Variants in ATE1 observed in about 807,000 individuals in gnomAD.
The protein encoded by ATE1 is arginyltransferase 1.
Under a neutral mutation model 70.5 loss-of-function variants are expected in ATE1, and 36 were observed. The ratio of observed to expected loss-of-function variants is 0.51; its 90% CI spans 0.39 to 0.67. The LOEUF is 0.67. ATE1 is among the 30% of genes least tolerant of loss of function. The pLI is 0.00. For missense variants in ATE1, 593 were observed against 629.5 expected (o/e 0.94, Z 0.62); for synonymous variants, 232 against 219.3 (o/e 1.06, Z -0.51).
In ATE1 at chr10:121,869,960, T is replaced by C. The variant is rs776932692; in HGVS notation, c.975+46A>G. On this transcript the variant is annotated intron_variant, in intron 8 of 11. Transcript: ENST00000224652. ...GCCTAATGAAAGATATCAACAATGG[T>C]GTTCAATTACCAATTCTAATATTAA... 1.8e-5 allele frequency: 27 copies of C among 1,512,834 alleles called. No individual in the cohort carries two copies. In the East Asian group the frequency reaches 6.1e-4, roughly 34 times the overall value. The allele number at this position is 1,512,834 out of a possible 1,614,324, so 93.7% of individuals were successfully genotyped here. A position where few individuals can be genotyped will look rare whatever the true frequency, so the allele number is the denominator to read the frequency against.
At chr10:121,890,348 C>T (rs1457531578) in intron 7 of ATE1, among the ~76,000 whole-genome samples, 1 of 152,072 alleles carries the variant, frequency 6.6e-6, no homozygotes, top group African/African-American at 2.4e-5. Context: ...CTTGTAGAAG[C>T]ACATCTCATT....
chr10:121,858,049 C>T (rs529082913), intron 8 of ATE1, among the ~76,000 whole-genome samples: 1 of 152,146 alleles, frequency 6.6e-6, no homozygotes, highest in East Asian at 1.9e-4. Context: ...AATAATATTC[C>T]TTCATATCTA....
At chr10:121,919,460 C>G (rs1951791987) in intron 3 of ATE1, among the ~76,000 whole-genome samples, 1 of 151,964 alleles carries the variant, frequency 6.6e-6, no homozygotes, top group Non-Finnish European at 1.5e-5. Flanking sequence ...AGTCGGGAGG[C>G]TGAGGCAGGA....
chr10:121,818,615 A>G (rs1241396302), intron 10 of ATE1, among the ~76,000 whole-genome samples: 1 of 152,228 alleles, frequency 6.6e-6, no homozygotes, highest in Non-Finnish European at 1.5e-5. Flanking sequence ...TTAAATGAAC[A>G]TATATATTTT....
intron 8 of ATE1, among the ~76,000 whole-genome samples, chr10:121,865,136 A>G (rs1454803203): frequency 6.6e-6 from 1 of 152,184 alleles, no homozygotes; most frequent in Non-Finnish European, 1.5e-5. Context: ...CACCTACCTA[A>G]TCTACCTCTC....
intron 7 of ATE1, among the ~76,000 whole-genome samples, chr10:121,888,529 T>C (rs1037109612): frequency 5.3e-5 from 8 of 152,230 alleles, no homozygotes; most frequent in Non-Finnish European, 1.2e-4. Flanking sequence ...CTGCTTGATA[T>C]GATACAGTAA....
intron 8 of ATE1, among the ~76,000 whole-genome samples, chr10:121,844,813 C>A (rs181594337): frequency 2.7e-4 from 41 of 152,076 alleles, no homozygotes; most frequent in Admixed American, 2.0e-3. Context: ...GTGAAAGATG[C>A]CGATCTGAAA....
chr10:121,927,316 A>C (rs1481731304), intron 1 of ATE1: 8 of 981,784 alleles, frequency 8.1e-6, no homozygotes, highest in Non-Finnish European at 9.6e-6. Context: ...CGCGGTCACC[A>C]GTTTCTTGTC....
intron 10 of ATE1, among the ~76,000 whole-genome samples, chr10:121,824,441 C>T (rs1947925693): frequency 6.6e-6 from 1 of 152,164 alleles, no homozygotes; most frequent in Non-Finnish European, 1.5e-5. Flanking sequence ...ATTTTGCAGA[C>T]GCAGCTCTGT....
chr10:121,923,258 C>T (rs1269009616), intron 2 of ATE1, among the ~76,000 whole-genome samples: 6 of 152,148 alleles, frequency 3.9e-5, no homozygotes, highest in Non-Finnish European at 7.3e-5. Context: ...ACACTTGCAA[C>T]CAGATGTTCG....
chr10:121,803,109 T>C lies in ATE1; in HGVS notation c.1258-12820A>G, dbSNP rs539922787. 1.4e-4 allele frequency among the ~76,000 whole-genome samples: 21 copies of C among 152,302 alleles called. No individual in the cohort carries two copies. In the South Asian group the frequency reaches 1.5e-3, roughly 11 times the overall value. On this transcript the variant is annotated intron_variant, in intron 10 of 11. Transcript: ENST00000224652. ...TTATATGCTGTGTTTCTCTTATTTT[T>C]ACATCACCCCTCCCCTTCCACCCCC...
intron 8 of ATE1, 52 bp downstream of exon 8, chr10:121,869,954 C>A (rs1050559964): frequency 2.7e-6 from 4 of 1,490,478 alleles, no homozygotes; most frequent in South Asian, 2.3e-5. Context: ...AAGATATCAA[C>A]AATGGTGTTC....
chr10:121,902,554 C>T lies in ATE1; in HGVS notation c.650G>A (p.Arg217Lys), dbSNP rs1951023098. The T allele has an allele frequency of 1.9e-6, 3 of 1,614,148 alleles. No individual in the cohort carries two copies. Among genetic ancestry groups the T allele is most frequent in the Non-Finnish European group, 2.5e-6 (3 of 1,180,018 alleles). The change falls in exon 6 of 12, where the codon AGG becomes AAG. Residue 217 changes from arginine (R) to lysine (K), a missense_variant. Around this residue, in one of 3 missense-constraint regions of ATE1, gnomAD observed 467 missense variants for 469.6 expected, o/e 0.99. Coordinates refer to ENST00000224652, the MANE Select transcript of ATE1 (RefSeq NM_001001976.3). ...KAKEIRKERK[R>K]LKLMQQNPAG... ...TGGGTTCTGCTGCATTAGTTTTAAC[C>T]TTTTCCTTTCTTTCCGGATTTCCTT...
At chr10:121,844,952 A>G (rs1265561532) in intron 8 of ATE1, among the ~76,000 whole-genome samples, 1 of 151,958 alleles carries the variant, frequency 6.6e-6, no homozygotes, top group Non-Finnish European at 1.5e-5. Context: ...TAGAAAGTCT[A>G]TTGGGGCAAT....
chr10:121,754,506 A>C (rs1350056579), intron 11 of ATE1, among the ~76,000 whole-genome samples: 1 of 152,208 alleles, frequency 6.6e-6, no homozygotes, highest in Admixed American at 6.5e-5. Flanking sequence ...CATTGATTAG[A>C]ATGAGATTCC....
intron 10 of ATE1, among the ~76,000 whole-genome samples, chr10:121,832,724 T>C (rs940340704): frequency 1.3e-5 from 2 of 152,136 alleles, no homozygotes; most frequent in African/African-American, 4.8e-5. Flanking sequence ...CTCTTTTTCT[T>C]CCCAGTCTCA....
intron 10 of ATE1, among the ~76,000 whole-genome samples, chr10:121,811,780 A>G (rs1947327538): frequency 1.3e-5 from 2 of 151,968 alleles, no homozygotes; most frequent in South Asian, 2.1e-4. Context: ...ATGTCTCTAC[A>G]TTTTTTTCTA....
intron 11 of ATE1, among the ~76,000 whole-genome samples, chr10:121,776,764 A>C (rs958640925): frequency 5.3e-5 from 8 of 152,266 alleles, no homozygotes; most frequent in African/African-American, 1.7e-4. Flanking sequence ...AGATACATGA[A>C]AGTGAGTATT....
At chr10:121,885,588 A>G (rs118001702) in intron 7 of ATE1, among the ~76,000 whole-genome samples, 4,174 of 147,652 alleles carry the variant, frequency 0.028, 75 homozygotes, top group Middle Eastern at 0.095. Flanking sequence ...AAAAAAAAAC[A>G]TGCCTAAAGC....
Sources: allele counts gnomAD v4.1 joint callset (sites outside exome capture counted in the v4.1 genomes callset), GRCh38; gene constraint gnomAD v4.1.1; regional missense constraint gnomAD v4.1.1; transcripts MANE v1.5; gene names NCBI Gene and HGNC (gene_info 2026-07-23, HGNC 2026-07-21).